The following MYCBP2 variants were observed in gnomAD, a reference collection of about 807,000 sequenced individuals.
MYCBP2 encodes the protein MYC binding protein 2, also known as E3 ubiquitin-protein ligase MYCBP2.
In MYCBP2, 120 loss-of-function variants were observed where a neutral mutation model predicts 525.3. The observed-to-expected ratio is 0.23, with a 90% CI of 0.20 to 0.27. The LOEUF (loss-of-function observed/expected upper bound fraction) is 0.27. Ranked by LOEUF, MYCBP2 falls within the 10% of genes least tolerant of loss-of-function variation. MYCBP2 has a pLI of 1.00. For synonymous variants in MYCBP2, 1,894 were observed against 1,955.8 expected, an observed-to-expected ratio of 0.97 and a Z score of 0.83; for missense variants, 4,149 against 5,657.1, an observed-to-expected ratio of 0.73 and a Z score of 8.55.
Position 77,214,467 on chromosome 13 carries a change from A to T in MYCBP2, c.3058-2307T>A, listed in dbSNP as rs536959174. Among the ~76,000 whole-genome samples the T allele has an allele frequency of 9.9e-4, 150 of 152,212 alleles. 1 individual carries two copies. Among genetic ancestry groups the T allele is most frequent in the Middle Eastern group, 3.4e-3 (1 of 294 alleles). On this transcript the variant is annotated intron_variant, in intron 21 of 82. Coordinates refer to ENST00000544440, the MANE Select transcript of MYCBP2 (RefSeq NM_015057.5). The stretch of plus-strand genomic sequence containing the variant: ...CATGGAGGTAAAAAAAAAAATGAAG[A>T]GCTTTATGAATTGATATGGAGTGAT...
chr13:77,191,079 C>T (rs929371131), intron 28 of MYCBP2, among the ~76,000 whole-genome samples: 13 of 152,156 alleles, frequency 8.5e-5, no homozygotes, highest in Non-Finnish European at 2.9e-5. Context: ...GTTTTAACCA[C>T]ATGACTCTCA....
chr13:77,126,951 T>A (rs2051776310), intron 52 of MYCBP2, among the ~76,000 whole-genome samples: 1 of 152,114 alleles, frequency 6.6e-6, no homozygotes, highest in African/African-American at 2.4e-5. Flanking sequence ...TAAAAAAAAG[T>A]CTAAATATTC....
intron 58 of MYCBP2, among the ~76,000 whole-genome samples, 188 bp downstream of exon 58, chr13:77,095,170 T>C (rs943022767): frequency 2.0e-5 from 3 of 152,146 alleles, no homozygotes; most frequent in Non-Finnish European, 1.5e-5. Flanking sequence ...TTTTATAGTT[T>C]TTTAAATACC....
rs573243295 is a variant in MYCBP2, at chr13:77,094,300, G to A, written c.10200-968C>T. The stretch of plus-strand genomic sequence containing the variant: ...TGAAAGGCTCTTTTGGAGTGTCAGT[G>A]CATGATGTGTGAAAGTACAGGCTGC... On this transcript the variant is annotated intron_variant, in intron 58 of 82. Transcript: ENST00000544440. Among the ~76,000 whole-genome samples, 4 of 152,264 alleles carry A rather than the reference G, an allele frequency of 2.6e-5. No homozygotes were observed. In the South Asian group the frequency reaches 8.3e-4, roughly 31 times the overall value.
intron 18 of MYCBP2, among the ~76,000 whole-genome samples, chr13:77,230,715 T>C (rs931829618): frequency 6.6e-6 from 1 of 152,212 alleles, no homozygotes; most frequent in Non-Finnish European, 1.5e-5. Context: ...GCCACCCACG[T>C]AGACAAACTG....
In MYCBP2 at chr13:77,146,156, C is replaced by T; in HGVS notation, c.7187+6G>A. On this transcript the variant is annotated splice_donor_region_variant and intron_variant, in intron 48 of 82. Transcript: ENST00000544440. The stretch of plus-strand genomic sequence containing the variant: ...TTTGGTTATACTTTGAGAAAACGAT[C>T]CTTACCTCTTAGGAGTTGGTGATGC... 6.3e-7 allele frequency: 1 copy of T among 1,578,410 alleles called. No homozygotes were observed. The highest frequency in any genetic ancestry group is 8.6e-7 in the Non-Finnish European group (1 of 1,163,454).
In MYCBP2 at chr13:77,190,334, C is replaced by A; in HGVS notation, c.4072G>T (p.Val1358Phe). The change falls in exon 29 of 83, where the codon GTT becomes TTT. Residue 1358 changes from valine to phenylalanine, a missense_variant and splice_region_variant. Val to Phe is a conservative substitution (Grantham distance 50). Transcript: ENST00000544440. ...GQASITTDDG[V>F]VFQFKSSKKS... ...TTTGAACTCTTGAACTGGAAAACAACCCTAAGAAGAGAAAACAATGATACC... is the reference window on the plus strand; with the variant it reads ...TTTGAACTCTTGAACTGGAAAACAAACCTAAGAAGAGAAAACAATGATACC... The A allele has an allele frequency of 6.3e-7, 1 of 1,592,732 alleles. No homozygotes were observed. The highest frequency in any genetic ancestry group is 8.6e-7 in the Non-Finnish European group (1 of 1,163,966).
chr13:77,175,882 G>A (rs1320789175), intron 36 of MYCBP2, among the ~76,000 whole-genome samples: 9 of 151,668 alleles, frequency 5.9e-5, no homozygotes, highest in Admixed American at 1.3e-4. Context: ...ATTTAAACCC[G>A]GGAGGCAGAG....
intron 52 of MYCBP2, among the ~76,000 whole-genome samples, chr13:77,131,513 AACAAAC>A (rs1428041784): frequency 5.1e-5 from 3 of 59,190 alleles, no homozygotes; most frequent in South Asian, 9.0e-4. Flanking sequence ...CACACACACA[AACAAAC>A]ACACACACAC....
At position 77,327,050 on chromosome 13, in the gene MYCBP2, C is replaced by T. The variant is rs563243869; in HGVS notation, c.-275G>A. On this transcript the variant is annotated 5_prime_UTR_variant, in exon 1 of 83. Transcript: ENST00000544440. Reference sequence around the variant, plus strand: ...GTGCCGCCACTGCCGCCGCCACCACCGCTACCACCGCCACCACCGCCGGGG... The same window carrying T: ...GTGCCGCCACTGCCGCCGCCACCACTGCTACCACCGCCACCACCGCCGGGG... The T allele has an allele frequency of 9.1e-6, 4 of 438,118 alleles. No individual in the cohort carries two copies. Among genetic ancestry groups the T allele is most frequent in the Admixed American group, 4.4e-5 (1 of 22,882 alleles). The allele number at this position is 438,118 out of a possible 1,614,324, so 27.1% of individuals were successfully genotyped here. A position where few individuals can be genotyped will look rare whatever the true frequency, so the allele number is the denominator to read the frequency against.
At chr13:77,193,381 G>T (rs776770945) in intron 27 of MYCBP2, among the ~76,000 whole-genome samples, 2 of 152,098 alleles carry the variant, frequency 1.3e-5, no homozygotes, top group African/African-American at 4.8e-5. Flanking sequence ...AGCAAAGTCA[G>T]TATCTTACGA....
At chr13:77,109,084 T>G (rs12864253) in intron 55 of MYCBP2, among the ~76,000 whole-genome samples, 1 of 152,154 alleles carries the variant, frequency 6.6e-6, no homozygotes, top group Non-Finnish European at 1.5e-5. Context: ...ACGTGTTAAT[T>G]AGGGAAAGTA....
intron 72 of MYCBP2, 66 bp downstream of exon 72, chr13:77,065,926 G>C: frequency 8.8e-7 from 1 of 1,133,040 alleles, no homozygotes; most frequent in Non-Finnish European, 1.3e-6. Flanking sequence ...CAATTCAGCA[G>C]AGTAAGCTGT....
chr13:77,325,886 A>G (rs2082230418), intron 1 of MYCBP2, among the ~76,000 whole-genome samples: 1 of 152,138 alleles, frequency 6.6e-6, no homozygotes, highest in Non-Finnish European at 1.5e-5. Context: ...TTATTCATAA[A>G]TCTTTTTAAA....
Position 77,171,702 on chromosome 13 carries a change from A to C in MYCBP2, c.5652-68T>G, listed in dbSNP as rs2059156580. ...AAAACATGATCCAGTGCCAGAAATC[A>C]TATCTAGATCTGAGATCCTCATTTA... On this transcript the variant is annotated intron_variant, in intron 37 of 82. Transcript: ENST00000544440. 4 of 1,461,282 alleles carry C rather than the reference A, an allele frequency of 2.7e-6. No individual in the cohort carries two copies. The South Asian group carries it at 4.8e-5, about 17-fold the overall frequency. 90.5% of individuals were successfully genotyped at this position (1,461,282 alleles called of 1,614,324 possible). A position where few individuals can be genotyped will look rare whatever the true frequency, so the allele number is the denominator to read the frequency against.
chr13:77,090,233 A>G lies in MYCBP2; in HGVS notation c.10398T>C (p.Asp3466=), dbSNP rs1317878772. ...TTTGGAAGACAGTTCTCTTTGCAAGATCAGTATCAGTTATGGGACTGGTTT... is the reference window on the plus strand; with the variant it reads ...TTTGGAAGACAGTTCTCTTTGCAAGGTCAGTATCAGTTATGGGACTGGTTT... The part of the protein sequence containing the change: ...SLETSPITDT[D]LAKRTVFQRS... Residue 3466 remains aspartate (D), a synonymous_variant, in exon 60 of 83, where the codon GAT becomes GAC. Transcript: ENST00000544440. The G allele has an allele frequency of 8.7e-6, 14 of 1,612,180 alleles. No homozygotes were observed. Among genetic ancestry groups the G allele is most frequent in the Non-Finnish European group, 1.2e-5 (14 of 1,179,006 alleles).
chr13:77,267,948 C>CA lies in MYCBP2; in HGVS notation c.1261-12dup. 6.3e-7 allele frequency: 1 copy of CA among 1,578,662 alleles called. No individual in the cohort carries two copies. Among genetic ancestry groups the CA allele is most frequent in the Admixed American group, 1.7e-5 (1 of 57,848 alleles). ...ATATAATAAATAACCCTGATAACAG[C>CA]AAAAAATTTTCCTGTTAAAATATTT... On this transcript the variant is annotated splice_polypyrimidine_tract_variant and intron_variant, in intron 7 of 82. Transcript: ENST00000544440.
intron 36 of MYCBP2, among the ~76,000 whole-genome samples, chr13:77,175,525 A>T (rs921990343): frequency 6.6e-6 from 1 of 152,202 alleles, no homozygotes; most frequent in African/African-American, 2.4e-5. Flanking sequence ...ATTCTTCCTG[A>T]TGAAACCTCT....
chr13:77,050,261 G>A (rs1262157785), intron 82 of MYCBP2, among the ~76,000 whole-genome samples: 1 of 152,156 alleles, frequency 6.6e-6, no homozygotes. Flanking sequence ...ATAGGCAGCA[G>A]ATGGCAGTGT....
Sources: gnomAD v4.1 joint callset for allele counts (sites outside exome capture counted in the v4.1 genomes callset) on GRCh38, gnomAD v4.1.1 for gene constraint, MANE v1.5 for transcripts, NCBI Gene and HGNC (gene_info 2026-07-23, HGNC 2026-07-21) for gene names.